KLHL3: variants seen among roughly 807,000 people sequenced by gnomAD.
The protein encoded by KLHL3 is kelch-like protein 3.
In KLHL3, 19 loss-of-function variants were observed where a neutral mutation model predicts 70.5. The observed-to-expected ratio is 0.27, with a 90% CI of 0.19 to 0.40. The LOEUF is 0.40. Among genes scored for constraint, KLHL3 ranks in the 10% least tolerant of loss-of-function variants. The pLI, the probability that KLHL3 is intolerant of heterozygous loss-of-function variation, is 1.00. For missense variants in KLHL3, 512 were observed against 771.1 expected, an observed-to-expected ratio of 0.66 and a Z score of 3.98; for synonymous variants, 258 against 290.3, an observed-to-expected ratio of 0.89 and a Z score of 1.13.
chr5:137,639,153 G>A lies in KLHL3; in HGVS notation c.1022-3C>T. On this transcript the variant is annotated splice_region_variant and splice_polypyrimidine_tract_variant and intron_variant, in intron 9 of 14. Transcript: ENST00000309755. The surrounding 1 kb of genome is among the most constrained non-coding windows in gnomAD (Gnocchi z 5.0). ...GTGGCCAGCCATGAACACCACACCT[G>A]AGGCACAGGAAACCAAGACATCAAG... 1 of 1,613,344 alleles carries A rather than the reference G, an allele frequency of 6.2e-7. No homozygotes were observed. Among genetic ancestry groups the A allele is most frequent in the South Asian group, 1.1e-5 (1 of 90,910 alleles).
intron 1 of KLHL3, among the ~76,000 whole-genome samples, chr5:137,723,813 GTTTC>G (rs1225217947): frequency 7.2e-5 from 11 of 152,174 alleles, no homozygotes; most frequent in African/African-American, 2.7e-4. Context: ...TTTCAAAGAT[GTTTC>G]TAATGTTCCC....
Position 137,692,807 on chromosome 5 carries a change from G to T in KLHL3, c.364-360C>A, listed in dbSNP as rs570440387. On this transcript the variant is annotated intron_variant, in intron 4 of 14. Coordinates refer to ENST00000309755, the MANE Select transcript of KLHL3 (RefSeq NM_017415.3). The stretch of plus-strand genomic sequence containing the variant: ...TGCTGGTCCACAAACCACACTTTGA[G>T]TAACAAAACTCTACACACACACACA... The T allele has an allele frequency of 1.3e-5, 3 of 230,862 alleles. No individual in the cohort carries two copies. In the East Asian group the frequency reaches 3.3e-4, roughly 26 times the overall value. The allele number at this position is 230,862 out of a possible 1,614,324, so 14.3% of individuals were successfully genotyped here.
intron 12 of KLHL3, 65 bp from the exon 13 acceptor site, chr5:137,628,502 G>A: frequency 1.3e-6 from 2 of 1,590,478 alleles, no homozygotes; most frequent in Non-Finnish European, 1.7e-6. Context: ...CAGGAGGCCT[G>A]GCATCCAGTC....
chr5:137,667,848 T>C (rs144915097), intron 6 of KLHL3, among the ~76,000 whole-genome samples: 1 of 152,336 alleles, frequency 6.6e-6, no homozygotes, highest in Non-Finnish European at 1.5e-5. Context: ...TGTTACTCAA[T>C]CTGAGAAGGA....
chr5:137,699,038 T>A (rs1016662600), intron 3 of KLHL3, among the ~76,000 whole-genome samples: 12 of 152,162 alleles, frequency 7.9e-5, no homozygotes, highest in Admixed American at 7.2e-4. Context: ...AAAGGCCAAG[T>A]TGGGTTGAAA....
chr5:137,656,468 C>G (rs1359059912), intron 8 of KLHL3, among the ~76,000 whole-genome samples: 1 of 152,142 alleles, frequency 6.6e-6, no homozygotes, highest in Non-Finnish European at 1.5e-5. Flanking sequence ...AGAAAATTTT[C>G]CAAATAATAG....
intron 8 of KLHL3, among the ~76,000 whole-genome samples, chr5:137,644,222 C>A (rs910847156): frequency 6.6e-6 from 1 of 152,122 alleles, no homozygotes; most frequent in Non-Finnish European, 1.5e-5. Context: ...GTGCCCACCA[C>A]CACACCCGGC....
Position 137,622,096 on chromosome 5 carries a change from G to C in KLHL3, c.*2C>G, listed in dbSNP as rs775191089. 13 of 1,614,094 alleles carry C rather than the reference G, an allele frequency of 8.1e-6. No individual in the cohort carries two copies. Among genetic ancestry groups the C allele is most frequent in the Non-Finnish European group, 1.1e-5 (13 of 1,179,974 alleles). On this transcript the variant is annotated 3_prime_UTR_variant, in exon 15 of 15. Transcript: ENST00000309755. ...TCCACCTCCTGGCAGTAGGAGTTTG[G>C]GTCACAAGGACTTGTGAATCACGGC...
In KLHL3 at chr5:137,735,800, C is replaced by G. The variant is rs1205411837; in HGVS notation, c.-154G>C. On this transcript the variant is annotated 5_prime_UTR_variant, in exon 1 of 15. Coordinates refer to ENST00000309755, the MANE Select transcript of KLHL3 (RefSeq NM_017415.3). ...AGTGAAGCCTCCTCCCTTCTCAATC[C>G]TCCTTCCTCTGACTTACTCGCAGCA... 5 of 988,358 alleles carry G rather than the reference C, an allele frequency of 5.1e-6. No homozygotes were observed. Among genetic ancestry groups the G allele is most frequent in the Non-Finnish European group, 8.0e-6 (5 of 624,390 alleles). The allele number at this position is 988,358 out of a possible 1,614,324, so 61.2% of individuals were successfully genotyped here. A position where few individuals can be genotyped will look rare whatever the true frequency, so the allele number is the denominator to read the frequency against.
chr5:137,696,892 G>A (rs1001068284), intron 4 of KLHL3, among the ~76,000 whole-genome samples: 2 of 152,172 alleles, frequency 1.3e-5, no homozygotes, highest in African/African-American at 2.4e-5. Context: ...CTCCACCACG[G>A]AACAGGAACT....
chr5:137,626,792 C>T (rs1750472861), intron 13 of KLHL3, among the ~76,000 whole-genome samples: 1 of 152,052 alleles, frequency 6.6e-6, no homozygotes, highest in Admixed American at 6.6e-5. Flanking sequence ...TCACTTGAGC[C>T]CAGGAGTTCA....
intron 6 of KLHL3, among the ~76,000 whole-genome samples, chr5:137,674,424 G>T (rs1291348354): frequency 6.6e-6 from 1 of 152,174 alleles, no homozygotes; most frequent in Non-Finnish European, 1.5e-5. Flanking sequence ...CCCTCTGACT[G>T]TAGAAGTTAT....
chr5:137,700,689 C>G (rs1011838161), intron 3 of KLHL3, among the ~76,000 whole-genome samples: 3 of 151,952 alleles, frequency 2.0e-5, no homozygotes, highest in African/African-American at 7.3e-5. Flanking sequence ...TTTACATGAC[C>G]CTCAAATTTC....
chr5:137,719,365 T>TA (rs1752954705), intron 2 of KLHL3, among the ~76,000 whole-genome samples: 1 of 152,216 alleles, frequency 6.6e-6, no homozygotes, highest in Admixed American at 6.5e-5. Context: ...GTGCTAGAGA[T>TA]AAAAATTACT....
chr5:137,700,484 G>T (rs552299071), intron 3 of KLHL3, among the ~76,000 whole-genome samples: 10 of 152,310 alleles, frequency 6.6e-5, no homozygotes, highest in African/African-American at 2.4e-4. Context: ...TCAGGTTAGG[G>T]TTTTGTAACT....
chr5:137,635,052 C>T (rs1750734142), intron 11 of KLHL3, among the ~76,000 whole-genome samples: 1 of 152,130 alleles, frequency 6.6e-6, no homozygotes, highest in Non-Finnish European at 1.5e-5. Context: ...ATCTATTTAA[C>T]AGGATTACTT....
At chr5:137,715,992 T>A (rs531975808) in intron 2 of KLHL3, among the ~76,000 whole-genome samples, 30 of 152,182 alleles carry the variant, frequency 2.0e-4, no homozygotes, top group African/African-American at 7.0e-4. Context: ...AGATTTGAAG[T>A]CAGAGTCTAT....
At chr5:137,672,826 G>A (rs1472022313) in intron 6 of KLHL3, 2 of 152,258 alleles carry the variant, frequency 1.3e-5, no homozygotes. Flanking sequence ...CTGGGTCACT[G>A]AGGATGTTCA....
chr5:137,734,917 C>G (rs1210356223), intron 1 of KLHL3, among the ~76,000 whole-genome samples: 1 of 152,220 alleles, frequency 6.6e-6, no homozygotes, highest in African/African-American at 2.4e-5. Context: ...CAGGATCTAA[C>G]TGCCTCGCTA....
Sources: allele counts gnomAD v4.1 joint callset (sites outside exome capture counted in the v4.1 genomes callset), GRCh38; gene constraint gnomAD v4.1.1; non-coding constraint Gnocchi (gnomAD v3.1); transcripts MANE v1.5; gene names NCBI Gene and HGNC (gene_info 2026-07-23, HGNC 2026-07-21).